The following TSPAN7 variants were observed in gnomAD, a reference collection of about 807,000 sequenced individuals.
TSPAN7 encodes the protein tetraspanin-7.
A neutral mutation model predicts 17.6 loss-of-function variants in TSPAN7; 1 was observed. The ratio of observed to expected loss-of-function variants is 0.06; its 90% confidence interval spans 0.02 to 0.27. The LOEUF (loss-of-function observed/expected upper bound fraction) is 0.27, where lower values mean the gene tolerates loss of function less well. Ranked by LOEUF, TSPAN7 falls within the 10% of genes least tolerant of loss-of-function variation. TSPAN7 has a pLI of 1.00. For missense variants in TSPAN7, 112 were observed against 201.7 expected (o/e 0.56, Z 2.69); for synonymous variants, 78 against 79.0 (o/e 0.99, Z 0.07).
At chrX:38,566,349 C>T in intron 1 of TSPAN7, 1 of 960,616 alleles carries the variant, frequency 1.0e-6, no homozygotes, top group Non-Finnish European at 1.3e-6. Flanking sequence ...GAAAAACACA[C>T]CTAGGAGTAA....
intron 1 of TSPAN7, among the ~76,000 whole-genome samples, chrX:38,594,752 A>T (rs2069309796): frequency 8.9e-6 from 1 of 112,087 alleles, no homozygotes; most frequent in Non-Finnish European, 1.9e-5. Flanking sequence ...ATTCGAAGCA[A>T]ACAATGTGAT....
chrX:38,563,684 C>T (rs1037857667), intron 1 of TSPAN7, among the ~76,000 whole-genome samples: 1 of 111,561 alleles, frequency 9.0e-6, no homozygotes, highest in African/African-American at 3.3e-5. Flanking sequence ...ACAATCACTG[C>T]ATTTTATGTC....
At chrX:38,648,917 CAAAAA>C (rs781037449) in intron 1 of TSPAN7, among the ~76,000 whole-genome samples, 1 of 49,352 alleles carries the variant, frequency 2.0e-5, no homozygotes, top group Admixed American at 2.5e-4. Context: ...AACTCTGTCT[CAAAAA>C]AAAAAAAAAA....
At chrX:38,639,371 G>A (rs899747272) in intron 1 of TSPAN7, among the ~76,000 whole-genome samples, 6 of 107,834 alleles carry the variant, frequency 5.6e-5, no homozygotes, top group South Asian at 4.2e-4. Context: ...TCCACTGAGC[G>A]TAGCACACAA....
At chrX:38,635,483 G>C (rs138188689) in intron 1 of TSPAN7, among the ~76,000 whole-genome samples, 3,938 of 111,571 alleles carry the variant, frequency 0.035, 180 homozygotes, top group African/African-American at 0.12. Flanking sequence ...TCCTGAGGAA[G>C]ATGATGTAGG....
chrX:38,678,394 A>G (rs987178075), intron 5 of TSPAN7, among the ~76,000 whole-genome samples: 5 of 112,339 alleles, frequency 4.5e-5, no homozygotes, highest in Non-Finnish European at 9.4e-5. Context: ...TGAGAGAGTG[A>G]GCAAATGAAC....
Position 38,673,944 on chromosome X carries a change from C to A in TSPAN7, c.346-277C>A, listed in dbSNP as rs772660131. Among the ~76,000 whole-genome samples, 3 of 111,340 alleles carry A rather than the reference C, an allele frequency of 2.7e-5. No homozygotes were observed. The South Asian group carries it at 1.1e-3, about 43-fold the overall frequency. ...AGGTTTGGCAGCTCACCATCACAGGCCTTTCAGAAATGGACAGGCCCCTCC... is the reference window on the plus strand; with the variant it reads ...AGGTTTGGCAGCTCACCATCACAGGACTTTCAGAAATGGACAGGCCCCTCC... On this transcript the variant is annotated intron_variant, in intron 3 of 7. Coordinates refer to ENST00000378482, the MANE Select transcript of TSPAN7 (RefSeq NM_004615.4).
At chrX:38,679,627 C>T (rs971220323) in intron 5 of TSPAN7, among the ~76,000 whole-genome samples, 2 of 109,470 alleles carry the variant, frequency 1.8e-5, no homozygotes, top group African/African-American at 6.7e-5. Context: ...TGGTGAAACC[C>T]CATCTGTACT....
chrX:38,674,319 A>G lies in TSPAN7; in HGVS notation c.441+3A>G, dbSNP rs112022631. The G allele has an allele frequency of 8.5e-7, 1 of 1,181,409 alleles. No homozygotes were observed. Among genetic ancestry groups the G allele is most frequent in the Non-Finnish European group, 1.1e-6 (1 of 877,392 alleles). On this transcript the variant is annotated splice_donor_region_variant and intron_variant, in intron 4 of 7. Coordinates refer to ENST00000378482, the MANE Select transcript of TSPAN7 (RefSeq NM_004615.4). The stretch of plus-strand genomic sequence containing the variant: ...CAGTGGACCATGTGCAGCGCAGCGT[A>G]AGTTCCAGAGGAGATGAGGGTGTGA...
chrX:38,645,472 G>A (rs756879003), intron 1 of TSPAN7, among the ~76,000 whole-genome samples: 2 of 111,409 alleles, frequency 1.8e-5, no homozygotes, highest in African/African-American at 3.3e-5. Flanking sequence ...GGAAGATGGC[G>A]AGCTCAAGCC....
At chrX:38,652,269 G>T (rs902650617) in intron 1 of TSPAN7, among the ~76,000 whole-genome samples, 2 of 112,113 alleles carry the variant, frequency 1.8e-5, no homozygotes, top group African/African-American at 6.5e-5. Context: ...TAGCCAATTA[G>T]CTAGCACAAG....
intron 1 of TSPAN7, among the ~76,000 whole-genome samples, chrX:38,605,337 G>A (rs1449761362): frequency 9.1e-6 from 1 of 109,857 alleles, no homozygotes; most frequent in Non-Finnish European, 1.9e-5. Context: ...AAAATACCTA[G>A]GAATCCAACT....
rs187580008 is a variant in TSPAN7, at chrX:38,666,237, C to T, written c.198C>T (p.Gly66=). 3 of 1,210,001 alleles carry T rather than the reference C, an allele frequency of 2.5e-6. No homozygotes were observed. The African/African-American group carries it at 5.2e-5, about 21-fold the overall frequency. ...TNAPYVLIGT[G]TTIVVFGLFG... Reference sequence around the variant, plus strand: ...CTCCCTATGTGCTCATCGGAACTGGCACCACTATTGTTGTCTTTGGCCTGT... The same window carrying T: ...CTCCCTATGTGCTCATCGGAACTGGTACCACTATTGTTGTCTTTGGCCTGT... The change falls in exon 2 of 8, where the codon GGC becomes GGT. Residue 66 remains glycine (G), a synonymous_variant. Coordinates refer to ENST00000378482, the MANE Select transcript of TSPAN7 (RefSeq NM_004615.4).
intron 1 of TSPAN7, among the ~76,000 whole-genome samples, chrX:38,573,305 C>T (rs1162793029): frequency 2.7e-5 from 3 of 111,128 alleles, no homozygotes; most frequent in African/African-American, 9.8e-5. Flanking sequence ...TGAACAGGAA[C>T]CAAAAATAGG....
chrX:38,605,679 A>T (rs1483162875), intron 1 of TSPAN7, among the ~76,000 whole-genome samples: 2 of 109,981 alleles, frequency 1.8e-5, no homozygotes, highest in African/African-American at 6.6e-5. Flanking sequence ...GGCTACAGTA[A>T]CCAAAACAGC....
chrX:38,661,623 T>A (rs753265594), intron 1 of TSPAN7, among the ~76,000 whole-genome samples: 10 of 111,964 alleles, frequency 8.9e-5, no homozygotes, highest in Middle Eastern at 4.6e-3. Flanking sequence ...ATGTAGTTTA[T>A]CCACGGTCTC....
chrX:38,646,600 CT>C (rs1356772293), intron 1 of TSPAN7, among the ~76,000 whole-genome samples: 1 of 111,995 alleles, frequency 8.9e-6, no homozygotes, highest in African/African-American at 3.3e-5. Flanking sequence ...GTATTTTATG[CT>C]TACCAAAAGT....
Position 38,688,366 on chromosome X carries a change from G to A in TSPAN7, c.*435G>A, listed in dbSNP as rs1163066064. ...TGTGGTAAATGCCACACACCTTTAA[G>A]TAGATAAGCAGACGATAGTTATCTG... On this transcript the variant is annotated 3_prime_UTR_variant, in exon 8 of 8. Coordinates refer to ENST00000378482, the MANE Select transcript of TSPAN7 (RefSeq NM_004615.4). 2.6e-5 allele frequency: 3 copies of A among 113,418 alleles called. No homozygotes were observed. The highest frequency in any genetic ancestry group is 5.6e-5 in the Non-Finnish European group (3 of 53,466). 9.3% of individuals were successfully genotyped at this position (113,418 alleles called of 1,213,427 possible).
intron 1 of TSPAN7, among the ~76,000 whole-genome samples, chrX:38,627,776 G>A (rs1489895310): frequency 8.8e-6 from 1 of 113,189 alleles, no homozygotes; most frequent in African/African-American, 3.2e-5. Context: ...CCCCTTGTGG[G>A]GGGATGGCAC....
Sources: gnomAD v4.1 joint callset for allele counts (sites outside exome capture counted in the v4.1 genomes callset) on GRCh38, gnomAD v4.1.1 for gene constraint, MANE v1.5 for transcripts, NCBI Gene and HGNC (gene_info 2026-07-23, HGNC 2026-07-21) for gene names.